GPM6B: variants seen among roughly 807,000 people sequenced by gnomAD.
The protein encoded by GPM6B is glycoprotein M6B.
Under a neutral mutation model 27.2 loss-of-function variants are expected in GPM6B, and 4 were observed. The observed-to-expected ratio is 0.15, with a 90% CI of 0.07 to 0.34. GPM6B has a LOEUF of 0.34. Ranked by LOEUF, GPM6B falls within the 10% of genes least tolerant of loss-of-function variation. The probability of loss-of-function intolerance (pLI) is 1.00; values close to 1 mark genes in which losing one functional copy is unlikely to be tolerated. For synonymous variants in GPM6B, 124 were observed against 103.1 expected (o/e 1.20, Z -1.23); for missense variants, 183 against 261.9 (o/e 0.70, Z 2.08).
chrX:13,835,882 T>C (rs1440010035), intron 1 of GPM6B, among the ~76,000 whole-genome samples: 2 of 112,136 alleles, frequency 1.8e-5, no homozygotes, highest in Non-Finnish European at 3.8e-5. Context: ...TTACATTTTA[T>C]AGTAAAACAC....
At chrX:13,822,469 G>C (rs916182227) in intron 1 of GPM6B, among the ~76,000 whole-genome samples, 12 of 110,339 alleles carry the variant, frequency 1.1e-4, no homozygotes, top group Non-Finnish European at 1.7e-4. Flanking sequence ...AGGTTCAAGC[G>C]ATTCTCCTGC....
intron 1 of GPM6B, among the ~76,000 whole-genome samples, chrX:13,886,252 G>A (rs564459256): frequency 1.7e-4 from 19 of 111,849 alleles, no homozygotes; most frequent in Middle Eastern, 4.6e-3. Context: ...GAAGTTTCAC[G>A]TTTAATCAAT....
At chrX:13,878,809 G>A (rs2050065786) in intron 1 of GPM6B, among the ~76,000 whole-genome samples, 1 of 112,210 alleles carries the variant, frequency 8.9e-6, no homozygotes, top group Non-Finnish European at 1.9e-5. Flanking sequence ...ACAAGAGAGA[G>A]GCAGAAGAGG....
At chrX:13,836,604 A>T (rs2049497085) in intron 1 of GPM6B, among the ~76,000 whole-genome samples, 1 of 112,713 alleles carries the variant, frequency 8.9e-6, no homozygotes, top group African/African-American at 3.2e-5. Flanking sequence ...CTATTGCAGT[A>T]AAGACATCCT....
At chrX:13,813,199 G>A (rs74813174) in intron 1 of GPM6B, among the ~76,000 whole-genome samples, 5 of 110,646 alleles carry the variant, frequency 4.5e-5, no homozygotes, top group East Asian at 2.8e-4. Context: ...AATCACACAA[G>A]TCGTATATTC....
chrX:13,815,742 T>C (rs1298509710), intron 1 of GPM6B, among the ~76,000 whole-genome samples: 1 of 112,195 alleles, frequency 8.9e-6, no homozygotes, highest in Non-Finnish European at 1.9e-5. Context: ...CAGCATACTG[T>C]GAAGCTGAAG....
At chrX:13,935,997 G>A (rs1013416701) in intron 1 of GPM6B, among the ~76,000 whole-genome samples, 2 of 112,318 alleles carry the variant, frequency 1.8e-5, no homozygotes, top group African/African-American at 6.5e-5. Flanking sequence ...CAAATCCATA[G>A]AGACAGAAAG....
upstream of GPM6B, among the ~76,000 whole-genome samples, chrX:13,819,233 AATGT>A (rs779702719): frequency 1.8e-5 from 2 of 112,531 alleles, no homozygotes; most frequent in Non-Finnish European, 3.8e-5. Context: ...TCACTAGGAT[AATGT>A]ATTACAATTC....
intron 1 of GPM6B, among the ~76,000 whole-genome samples, chrX:13,897,053 C>T (rs1447904878): frequency 8.9e-6 from 1 of 112,378 alleles, no homozygotes; most frequent in Non-Finnish European, 1.9e-5. Flanking sequence ...GCTCAGCAGA[C>T]ATGTTTTCAT....
intron 1 of GPM6B, among the ~76,000 whole-genome samples, chrX:13,906,399 A>G (rs999622830): frequency 3.6e-5 from 4 of 112,102 alleles, no homozygotes; most frequent in Non-Finnish European, 7.5e-5. Context: ...TGTTTCTAGG[A>G]CACCATGTCC....
intron 1 of GPM6B, among the ~76,000 whole-genome samples, chrX:13,909,192 T>A (rs1333164364): frequency 1.9e-5 from 2 of 102,570 alleles, no homozygotes; most frequent in East Asian, 6.4e-4. Flanking sequence ...GGCATGATCT[T>A]AACTCACTAC....
chrX:13,840,196 A>ACATG (rs1219026798), intron 1 of GPM6B, among the ~76,000 whole-genome samples: 1 of 112,163 alleles, frequency 8.9e-6, no homozygotes, highest in African/African-American at 3.2e-5. Context: ...TAAGGAATTT[A>ACATG]CATGCAATAC....
intron 1 of GPM6B, among the ~76,000 whole-genome samples, chrX:13,822,397 G>T (rs190528457): frequency 9.2e-6 from 1 of 108,157 alleles, no homozygotes; most frequent in Non-Finnish European, 1.9e-5. Flanking sequence ...ACGGAGTCTC[G>T]CGCTGTTGCC....
intron 1 of GPM6B, among the ~76,000 whole-genome samples, chrX:13,926,425 C>CA (rs1250788798): frequency 0.021 from 372 of 17,725 alleles, 2 homozygotes; most frequent in African/African-American, 0.063. Context: ...AACAAACAAA[C>CA]AAAAAAAAAA....
rs7885564 is a variant in GPM6B at position 13,896,578 on chromosome X, C to A, written c.-198+41749G>T. Among the ~76,000 whole-genome samples, 8 of 109,113 alleles carry A rather than the reference C, an allele frequency of 7.3e-5. No homozygotes were observed. In the South Asian group the frequency reaches 2.0e-3, roughly 28 times the overall value. 94.8% of individuals were successfully genotyped at this position (109,113 alleles called of 115,157 possible). A position where few individuals can be genotyped will look rare whatever the true frequency, so the allele number is the denominator to read the frequency against. On this transcript the variant is annotated intron_variant, in intron 1 of 6. Coordinates refer to the GPM6B transcript ENST00000398361. ...TATTGACAATTTCTCTCTTTTTTTT[C>A]AAATTGAGACAGAGTCTTGCTCTGT...
intron 1 of GPM6B, among the ~76,000 whole-genome samples, chrX:13,839,306 T>C (rs1387324824): frequency 9.0e-6 from 1 of 111,237 alleles, no homozygotes; most frequent in East Asian, 2.8e-4. Context: ...TGTCCCACCT[T>C]TCTGGACTGA....
intron 2 of GPM6B, among the ~76,000 whole-genome samples, chrX:13,803,634 T>C (rs780985194): frequency 8.9e-6 from 1 of 112,388 alleles, no homozygotes; most frequent in Admixed American, 9.4e-5. Context: ...CCACTAAAAA[T>C]GGCAGCCTAT....
rs765708690 is a variant in GPM6B at position 13,815,336 on chromosome X, A to G, written c.61+1508T>C. Reference sequence around the variant, plus strand: ...TGGGACAATGCTATTACATTATCATACCCCGACAACATGCAATCAACTTAG... The same window carrying G: ...TGGGACAATGCTATTACATTATCATGCCCCGACAACATGCAATCAACTTAG... On this transcript the variant is annotated intron_variant, in intron 1 of 7. Transcript: ENST00000316715. Among the ~76,000 whole-genome samples the G allele has an allele frequency of 1.3e-3, 145 of 111,938 alleles. 1 individual carries two copies. The highest frequency in any genetic ancestry group is 2.6e-3 in the South Asian group (7 of 2,670).
intron 1 of GPM6B, among the ~76,000 whole-genome samples, chrX:13,934,822 G>T (rs1244806701): frequency 2.7e-5 from 3 of 111,822 alleles, no homozygotes; most frequent in East Asian, 5.6e-4. Flanking sequence ...AAGAGAAAAT[G>T]ATTTACCCAC....
Sources: gnomAD v4.1 joint callset for allele counts (sites outside exome capture counted in the v4.1 genomes callset) on GRCh38, gnomAD v4.1.1 for gene constraint, MANE v1.5 for transcripts, NCBI Gene and HGNC (gene_info 2026-07-23, HGNC 2026-07-21) for gene names.